Variants in DCC observed in about 807,000 individuals in gnomAD.
DCC encodes DCC netrin 1 receptor.
In DCC, 58 loss-of-function variants were observed where a neutral mutation model predicts 172.5. The ratio of observed to expected loss-of-function variants is 0.34; its 90% CI spans 0.27 to 0.42. The LOEUF is 0.42. DCC is among the 10% of genes least tolerant of loss of function. The pLI is 1.00. For synonymous variants in DCC, 709 were observed against 644.5 expected, an observed-to-expected ratio of 1.10 and a Z score of -1.52; for missense variants, 1,740 against 1,791.0, an observed-to-expected ratio of 0.97 and a Z score of 0.51.
chr18:52,620,587 G>A (rs1172652741), intron 1 of DCC, among the ~76,000 whole-genome samples: 2 of 152,108 alleles, frequency 1.3e-5, no homozygotes, highest in Non-Finnish European at 2.9e-5. Context: ...AAGTGATTTG[G>A]TTTTTACTCT....
At chr18:52,918,149 T>C (rs1429400474) in intron 3 of DCC, among the ~76,000 whole-genome samples, 1 of 152,162 alleles carries the variant, frequency 6.6e-6, no homozygotes, top group African/African-American at 2.4e-5. Flanking sequence ...CATGTATGTG[T>C]CAACCAATTT....
chr18:53,486,733 T>A (rs1320770906), intron 25 of DCC, 64 bp from the exon 26 acceptor site: 24 of 1,610,478 alleles, frequency 1.5e-5, no homozygotes, highest in Non-Finnish European at 2.0e-5. Flanking sequence ...TCCACCGTTT[T>A]CTTTTTTGCT....
rs548860937 is a variant in DCC, at chr18:53,025,723, G to A, written c.986-37582G>A. On this transcript the variant is annotated intron_variant, in intron 5 of 28. Transcript: ENST00000442544. ...TACTTGAGGGACATTTAAAGTAACT[G>A]AAGATGTTTAGACTGGAGAATATAA... 4.6e-5 allele frequency among the ~76,000 whole-genome samples: 7 copies of A among 151,450 alleles called. No individual in the cohort carries two copies. In the East Asian group the frequency reaches 7.8e-4, roughly 17 times the overall value.
rs1241934297 is a variant in DCC at position 53,161,896 on chromosome 18, G to T, written c.1418+4384G>T. Among the ~76,000 whole-genome samples, 7 of 152,062 alleles carry T rather than the reference G, an allele frequency of 4.6e-5. No homozygotes were observed. The East Asian group carries it at 1.2e-3, about 25-fold the overall frequency. On this transcript the variant is annotated intron_variant, in intron 8 of 28. Transcript: ENST00000442544. ...AAAATAATATTGGAAGGCTGGTTAT[G>T]ATTTTATATTCTGAGCTGAGTTATG... is the stretch of plus-strand genomic sequence containing the variant.
At chr18:52,830,580 A>T (rs1017454082) in intron 2 of DCC, among the ~76,000 whole-genome samples, 3 of 150,186 alleles carry the variant, frequency 2.0e-5, no homozygotes, top group African/African-American at 7.3e-5. Context: ...TTTCTAATAG[A>T]CTAATACCTA....
At chr18:52,419,562 C>T (rs912184878) in intron 1 of DCC, 2 of 152,148 alleles carry the variant, frequency 1.3e-5, no homozygotes, top group African/African-American at 2.4e-5. Context: ...GAAACTATAA[C>T]GTTAAAGAAG....
intron 7 of DCC, among the ~76,000 whole-genome samples, chr18:53,119,119 G>A (rs2043447257): frequency 6.6e-6 from 1 of 151,704 alleles, no homozygotes. Context: ...GTGTCCCCCT[G>A]AGGTATCACA....
At chr18:52,409,118 G>C (rs1267204491) in intron 1 of DCC, 1 of 152,110 alleles carries the variant, frequency 6.6e-6, no homozygotes, top group Non-Finnish European at 1.5e-5. Context: ...AAAAAAAGCA[G>C]CTGACTTACA....
At position 53,265,710 on chromosome 18, in the gene DCC, A is replaced by G. The variant is rs1362877129; in HGVS notation, c.1912-39868A>G. Among the ~76,000 whole-genome samples the G allele has an allele frequency of 3.3e-5, 5 of 152,240 alleles. No individual in the cohort carries two copies. In the East Asian group the frequency reaches 9.6e-4, roughly 29 times the overall value. ...CAATGCAGGATAGGATATGCAGATGATGCAACAGACATTCTCAGCTCCGAT... is the reference window on the plus strand; with the variant it reads ...CAATGCAGGATAGGATATGCAGATGGTGCAACAGACATTCTCAGCTCCGAT... On this transcript the variant is annotated intron_variant, in intron 12 of 28. Coordinates refer to ENST00000442544, the MANE Select transcript of DCC (RefSeq NM_005215.4).
In DCC at chr18:53,397,399, G is replaced by A. The variant is rs1377630045; in HGVS notation, c.2780G>A (p.Arg927Lys). 4.3e-6 allele frequency: 7 copies of A among 1,613,708 alleles called. No individual in the cohort carries two copies. The highest frequency in any genetic ancestry group is 1.3e-5 in the African/African-American group (1 of 74,840). The part of the protein sequence containing the change: ...EFSVMVTKNR[R>K]SSTWSMTAHA... The stretch of plus-strand genomic sequence containing the variant: ...TCGGTCATGGTAACAAAAAACAGAA[G>A]GTCCAGTACTTGGAGCATGACTGCA... The change falls in exon 18 of 29, where the codon AGG (arginine) becomes AAG (lysine). Residue 927 changes from arginine (R) to lysine (K), a missense_variant. By Grantham distance (26) the Arg-to-Lys change is conservative. Coordinates refer to ENST00000442544, the MANE Select transcript of DCC (RefSeq NM_005215.4).
At chr18:53,422,086 C>G (rs1214589074) in intron 21 of DCC, among the ~76,000 whole-genome samples, 2 of 152,134 alleles carry the variant, frequency 1.3e-5, no homozygotes, top group African/African-American at 4.8e-5. Flanking sequence ...GAAAAGCACT[C>G]AGATCACATA....
At chr18:52,911,110 A>G (rs1183973984) in intron 3 of DCC, among the ~76,000 whole-genome samples, 2 of 152,154 alleles carry the variant, frequency 1.3e-5, no homozygotes, top group Non-Finnish European at 2.9e-5. Flanking sequence ...CTATAAAAAT[A>G]GAATGTAGTT....
intron 1 of DCC, among the ~76,000 whole-genome samples, chr18:52,370,808 A>G (rs890429955): frequency 6.6e-6 from 1 of 152,242 alleles, no homozygotes. Flanking sequence ...CGCTTGAGAG[A>G]AATTGTTTAA....
chr18:53,032,052 A>G (rs947626209), intron 5 of DCC, among the ~76,000 whole-genome samples: 3 of 152,124 alleles, frequency 2.0e-5, no homozygotes, highest in African/African-American at 7.2e-5. Context: ...TATTGTACTC[A>G]GGAGGTCAGC....
At chr18:52,670,978 G>A (rs1190574849) in intron 1 of DCC, among the ~76,000 whole-genome samples, 1 of 152,136 alleles carries the variant, frequency 6.6e-6, no homozygotes, top group African/African-American at 2.4e-5. Context: ...ATAATTTTGT[G>A]TTTTCTTCCA....
intron 11 of DCC, among the ~76,000 whole-genome samples, chr18:53,209,685 C>T (rs1238146722): frequency 6.6e-6 from 1 of 152,110 alleles, no homozygotes; most frequent in Non-Finnish European, 1.5e-5. Flanking sequence ...TTAGGCCCAT[C>T]CATCCAATTC....
At chr18:53,085,957 C>CTCTTCTTCTTCTTCT (rs747047237) in intron 7 of DCC, among the ~76,000 whole-genome samples, 1 of 65,882 alleles carries the variant, frequency 1.5e-5, no homozygotes, top group African/African-American at 1.4e-4. Context: ...GGAGTATTTT[C>CTCTTCTTCTTCTTCT]TCTTCTTCTT....
intron 12 of DCC, among the ~76,000 whole-genome samples, chr18:53,261,169 G>A (rs954571911): frequency 5.9e-5 from 9 of 152,066 alleles, no homozygotes; most frequent in East Asian, 3.9e-4. Flanking sequence ...GTGATGCCTC[G>A]CCCTGCTTTG....
chr18:53,030,572 T>C (rs2042013503), intron 5 of DCC, among the ~76,000 whole-genome samples: 2 of 152,268 alleles, frequency 1.3e-5, no homozygotes, highest in Non-Finnish European at 2.9e-5. Context: ...TATAGGTCTC[T>C]GTGCTATCTT....
Sources: gnomAD v4.1 joint callset for allele counts (sites outside exome capture counted in the v4.1 genomes callset) on GRCh38, gnomAD v4.1.1 for gene constraint, MANE v1.5 for transcripts, NCBI Gene and HGNC (gene_info 2026-07-23, HGNC 2026-07-21) for gene names.